VAT1L: variants seen among roughly 807,000 people sequenced by gnomAD.
VAT1L encodes putative NADPH-dependent quinone oxidoreductase VAT1L.
A neutral mutation model predicts 44.1 loss-of-function variants in VAT1L; 34 were observed. The ratio of observed to expected loss-of-function variants is 0.77; its 90% CI spans 0.59 to 1.03. The LOEUF (loss-of-function observed/expected upper bound fraction) is 1.03, where lower values mean the gene tolerates loss of function less well. Ranked by LOEUF, VAT1L falls within the 50% of genes least tolerant of loss-of-function variation. The pLI is 0.00. For synonymous variants in VAT1L, 253 were observed against 202.2 expected, an observed-to-expected ratio of 1.25 and a Z score of -2.13; for missense variants, 615 against 538.8, an observed-to-expected ratio of 1.14 and a Z score of -1.40.
intron 7 of VAT1L, among the ~76,000 whole-genome samples, chr16:77,896,129 C>A (rs2017321939): frequency 6.6e-6 from 1 of 151,806 alleles, no homozygotes; most frequent in Admixed American, 6.5e-5. Flanking sequence ...ATATACCCAT[C>A]CCTCTGGCCT....
intron 7 of VAT1L, among the ~76,000 whole-genome samples, chr16:77,947,457 A>G (rs1275896662): frequency 2.6e-5 from 4 of 152,182 alleles, no homozygotes; most frequent in African/African-American, 9.7e-5. Flanking sequence ...GCCAGCCTCC[A>G]TAATTCCCAG....
chr16:77,881,900 T>C (rs1452458369), intron 6 of VAT1L, among the ~76,000 whole-genome samples: 1 of 152,222 alleles, frequency 6.6e-6, no homozygotes, highest in African/African-American at 2.4e-5. Flanking sequence ...TTGTAAGAAG[T>C]GTTTTCCCTT....
At chr16:77,829,638 G>T (rs1377471569) in intron 3 of VAT1L, among the ~76,000 whole-genome samples, 1 of 152,098 alleles carries the variant, frequency 6.6e-6, no homozygotes, top group African/African-American at 2.4e-5. Flanking sequence ...TGAAAATTGG[G>T]TCACAATCCT....
In VAT1L at chr16:77,788,614, A is replaced by C. The variant is rs2015769553; in HGVS notation, c.-69A>C. On this transcript the variant is annotated 5_prime_UTR_variant, in exon 1 of 9. Coordinates refer to ENST00000302536, the MANE Select transcript of VAT1L (RefSeq NM_020927.3). ...CAACAGGAGGAACCCGCGGGAGAGG[A>C]GCCCCACTCCCCCAGCGCCGCAGCC... 2.0e-6 allele frequency: 3 copies of C among 1,499,578 alleles called. No individual in the cohort carries two copies. The highest frequency in any genetic ancestry group is 5.0e-5 in the East Asian group (2 of 40,360). The allele number at this position is 1,499,578 out of a possible 1,614,324, so 92.9% of individuals were successfully genotyped here.
At chr16:77,902,405 C>G (rs1597090691) in intron 7 of VAT1L, among the ~76,000 whole-genome samples, 1 of 152,154 alleles carries the variant, frequency 6.6e-6, no homozygotes, top group African/African-American at 2.4e-5. Flanking sequence ...TGAAATTCAG[C>G]AGCTATTTTT....
chr16:77,907,392 C>G (rs2017448821), intron 7 of VAT1L, among the ~76,000 whole-genome samples: 1 of 152,210 alleles, frequency 6.6e-6, no homozygotes, highest in South Asian at 2.1e-4. Context: ...TACAAGATAA[C>G]TGGGGAAAAT....
At chr16:77,798,684 G>A (rs2015984729) in intron 1 of VAT1L, among the ~76,000 whole-genome samples, 1 of 152,134 alleles carries the variant, frequency 6.6e-6, no homozygotes, top group Non-Finnish European at 1.5e-5. Context: ...ATCCGCCAAA[G>A]ACCACAAAAC....
At chr16:77,822,561 G>C (rs1597180919) in intron 2 of VAT1L, among the ~76,000 whole-genome samples, 1 of 152,210 alleles carries the variant, frequency 6.6e-6, no homozygotes, top group East Asian at 1.9e-4. Flanking sequence ...GCATGTGGGG[G>C]CTGAGCCACA....
intron 1 of VAT1L, chr16:77,800,050 C>T (rs950398184): frequency 6.6e-6 from 1 of 152,208 alleles, no homozygotes; most frequent in Non-Finnish European, 1.5e-5. Flanking sequence ...CTTTCTCCTA[C>T]AAGAAGCTAA....
At chr16:77,846,500 G>A (rs1217447215) in intron 3 of VAT1L, among the ~76,000 whole-genome samples, 2 of 152,196 alleles carry the variant, frequency 1.3e-5, no homozygotes, top group Non-Finnish European at 2.9e-5. Context: ...TAACCAGAGA[G>A]TTAGTCAAAC....
intron 7 of VAT1L, among the ~76,000 whole-genome samples, chr16:77,969,983 G>A (rs1419921156): frequency 2.7e-5 from 4 of 148,292 alleles, no homozygotes; most frequent in Admixed American, 1.4e-4. Context: ...GGAGGCCAAC[G>A]GGGGAGGATC....
chr16:77,836,063 C>A (rs2016635712), intron 3 of VAT1L, among the ~76,000 whole-genome samples: 1 of 152,012 alleles, frequency 6.6e-6, no homozygotes, highest in Non-Finnish European at 1.5e-5. Flanking sequence ...TTAGTGCCAG[C>A]CTTAGGTATT....
intron 7 of VAT1L, among the ~76,000 whole-genome samples, chr16:77,969,890 G>T (rs1353788861): frequency 6.6e-6 from 1 of 151,954 alleles, no homozygotes; most frequent in Non-Finnish European, 1.5e-5. Flanking sequence ...TTAGGGTCAA[G>T]AAATTTTAAC....
At chr16:77,895,358 CAT>C (rs2017313059) in intron 7 of VAT1L, among the ~76,000 whole-genome samples, 1 of 151,094 alleles carries the variant, frequency 6.6e-6, no homozygotes, top group Admixed American at 6.6e-5. Context: ...AATATTTGAA[CAT>C]GTTACCTCAT....
chr16:77,879,499 C>G lies in VAT1L; in HGVS notation c.882+275C>G, dbSNP rs1176446242. ...AGAGACGGGGTTTCACCGTGTTGGC[C>G]AGGATGGTCTCAATCTGACCTCGTG... On this transcript the variant is annotated intron_variant, in intron 6 of 8. Transcript: ENST00000302536. This position sits in a 1 kb window ranked among gnomAD's most constrained non-coding sequence, Gnocchi z 4.1. Among the ~76,000 whole-genome samples the G allele has an allele frequency of 6.6e-6, 1 of 152,210 alleles. No homozygotes were observed. Among genetic ancestry groups the G allele is most frequent in the East Asian group, 1.9e-4 (1 of 5,186 alleles).
chr16:77,936,493 A>C (rs1328692735), intron 7 of VAT1L, among the ~76,000 whole-genome samples: 1 of 152,156 alleles, frequency 6.6e-6, no homozygotes, highest in East Asian at 1.9e-4. Context: ...CTTCTCCTTA[A>C]GTCAACTAAA....
At chr16:77,842,821 C>A (rs2016720209) in intron 3 of VAT1L, among the ~76,000 whole-genome samples, 1 of 152,172 alleles carries the variant, frequency 6.6e-6, no homozygotes, top group African/African-American at 2.4e-5. Context: ...TACCAAGTAG[C>A]AATTTTTCAA....
chr16:77,842,509 G>A (rs2016717256), intron 3 of VAT1L, among the ~76,000 whole-genome samples: 1 of 152,206 alleles, frequency 6.6e-6, no homozygotes, highest in Non-Finnish European at 1.5e-5. Flanking sequence ...TGCGGAGTGG[G>A]GGAATGATAG....
At chr16:77,961,455 A>G (rs150181321) in intron 7 of VAT1L, among the ~76,000 whole-genome samples, 9 of 152,132 alleles carry the variant, frequency 5.9e-5, no homozygotes, top group Admixed American at 3.3e-4. Context: ...CCAATCTCTG[A>G]TCTACATTTT....
Sources: gnomAD v4.1 joint callset for allele counts (sites outside exome capture counted in the v4.1 genomes callset) on GRCh38, gnomAD v4.1.1 for gene constraint, Gnocchi (gnomAD v3.1) non-coding constraint, MANE v1.5 for transcripts, NCBI Gene and HGNC (gene_info 2026-07-23, HGNC 2026-07-21) for gene names.